USP47: variants seen among roughly 807,000 people sequenced by gnomAD.
USP47 encodes the protein ubiquitin specific peptidase 47, also known as ubiquitin carboxyl-terminal hydrolase 47.
A neutral mutation model predicts 165.1 loss-of-function variants in USP47; 35 were observed. The ratio of observed to expected loss-of-function variants is 0.21; its 90% CI spans 0.16 to 0.28. The LOEUF is 0.28. Ranked by LOEUF, USP47 falls within the 10% of genes least tolerant of loss-of-function variation. The pLI is 1.00. For synonymous variants in USP47, 531 were observed against 544.5 expected (o/e 0.98, Z 0.35); for missense variants, 1,277 against 1,607.4 (o/e 0.79, Z 3.52).
At chr11:11,936,100 T>G (rs1484966528) in intron 16 of USP47, among the ~76,000 whole-genome samples, 1 of 151,730 alleles carries the variant, frequency 6.6e-6, no homozygotes, top group Non-Finnish European at 1.5e-5. Context: ...GGAGGGATAA[T>G]GAAACATAAT....
chr11:11,938,684 G>A (rs999280131), intron 18 of USP47, among the ~76,000 whole-genome samples: 3 of 151,982 alleles, frequency 2.0e-5, no homozygotes, highest in South Asian at 2.1e-4. Context: ...CCTTTTTGGC[G>A]TAGGCAATAA....
intron 4 of USP47, 96 bp from the exon 5 acceptor site, chr11:11,897,501 A>T: frequency 2.2e-6 from 2 of 929,394 alleles, no homozygotes; most frequent in Non-Finnish European, 1.6e-6. Context: ...AGTAACTTTA[A>T]CCTCTGAATC....
At position 11,933,114 on chromosome 11, in the gene USP47, A is replaced by G. The variant is rs1398063637; in HGVS notation, c.1762A>G (p.Lys588Glu). ...ACGAGAAATTGAGCGCAATACATGC[A>G]AGGTTGAATTCCATCATTTTATTTT... Reference protein sequence around the residue: ...RQREIERNTCKIKLFCLHPTK... With the variant: ...RQREIERNTCEIKLFCLHPTK... Residue 588 changes from lysine (K) to glutamate (E), a missense_variant and splice_region_variant, in exon 15 of 28, where the codon AAG becomes GAG. By Grantham distance (56) the Lys-to-Glu change is moderately conservative. Transcript: ENST00000527733. 2.5e-6 allele frequency: 4 copies of G among 1,611,218 alleles called. No homozygotes were observed. The highest frequency in any genetic ancestry group is 2.5e-6 in the Non-Finnish European group (3 of 1,178,502).
Position 11,946,372 on chromosome 11 carries a change from G to T in USP47, c.3092-1573G>T, listed in dbSNP as rs575828903. Among the ~76,000 whole-genome samples, 2 of 152,306 alleles carry T rather than the reference G, an allele frequency of 1.3e-5. 1 individual carries two copies. The highest frequency in any genetic ancestry group is 4.8e-5 in the African/African-American group (2 of 41,564). On this transcript the variant is annotated intron_variant, in intron 20 of 27. Coordinates refer to ENST00000527733, the MANE Select transcript of USP47 (RefSeq NM_001282659.2). ...CCATATTAAACGATATCAGTAACCA[G>T]CAAACATTTTTGTCTTCCTATGACA...
At chr11:11,939,117 T>C (rs1412688664) in intron 18 of USP47, among the ~76,000 whole-genome samples, 2 of 151,878 alleles carry the variant, frequency 1.3e-5, no homozygotes, top group Non-Finnish European at 2.9e-5. Flanking sequence ...AATATAACAA[T>C]GAAAACATTC....
At chr11:11,891,859 A>G (rs1851536349) in intron 3 of USP47, 109 bp from the exon 4 acceptor site, 2 of 1,362,882 alleles carry the variant, frequency 1.5e-6, no homozygotes, top group Non-Finnish European at 2.0e-6. Flanking sequence ...GCACCTTTCC[A>G]GAGTGTTTTG....
At chr11:11,898,145 G>A (rs1258516037) in intron 5 of USP47, among the ~76,000 whole-genome samples, 3 of 94,466 alleles carry the variant, frequency 3.2e-5, no homozygotes, top group Non-Finnish European at 5.9e-5. Flanking sequence ...GCGTGTGTGT[G>A]TGTGTGTTTC....
At chr11:11,905,295 A>G (rs1026124622) in intron 7 of USP47, 104 bp from the exon 8 acceptor site, 2 of 625,906 alleles carry the variant, frequency 3.2e-6, no homozygotes, top group Non-Finnish European at 4.6e-6. Flanking sequence ...TTTAGCTGTA[A>G]ATATCAATAT....
rs756832955 is a variant in USP47 at position 11,942,948 on chromosome 11, C to T, written c.2927C>T (p.Thr976Met). 32 of 1,612,874 alleles carry T rather than the reference C, an allele frequency of 2.0e-5. No individual in the cohort carries two copies. Among genetic ancestry groups the T allele is most frequent in the Middle Eastern group, 1.6e-4 (1 of 6,078 alleles). ...CACAGTATCACAAGTAGTAGAAGAA[C>T]GAAAGCAAATGAAGGGAAAAAAGAA... Reference protein sequence around the residue: ...DSHSITSSRRTKANEGKKETW... With the variant: ...DSHSITSSRRMKANEGKKETW... The change falls in exon 20 of 28, where the codon ACG (threonine) becomes ATG (methionine). Residue 976 changes from threonine (T) to methionine (M), a missense_variant. Transcript: ENST00000527733.
intron 20 of USP47, 112 bp downstream of exon 20, chr11:11,943,224 T>C: frequency 8.0e-7 from 1 of 1,246,698 alleles, no homozygotes; most frequent in Non-Finnish European, 1.1e-6. Context: ...TTTGTAACTT[T>C]CTGGATTATA....
chr11:11,907,880 G>C (rs1852677288), intron 8 of USP47, among the ~76,000 whole-genome samples: 3 of 152,134 alleles, frequency 2.0e-5, no homozygotes, highest in Admixed American at 2.0e-4. Context: ...CAGATCACTT[G>C]AGGACAGGAG....
chr11:11,952,998 C>A, intron 25 of USP47, 127 bp downstream of exon 25: 3 of 743,396 alleles, frequency 4.0e-6, no homozygotes, highest in Non-Finnish European at 5.1e-6. Context: ...GGAAGTAGTA[C>A]CAAACACTGG....
At chr11:11,920,568 AGGTAATAACACT>A in intron 10 of USP47, 74 bp downstream of exon 10, 2 of 1,388,940 alleles carry the variant, frequency 1.4e-6, no homozygotes, top group Non-Finnish European at 1.9e-6. Flanking sequence ...GAGCTGTTTG[AGGTAATAACACT>A]GATGTCATTT....
intron 16 of USP47, among the ~76,000 whole-genome samples, chr11:11,935,423 G>A (rs1199447412): frequency 6.6e-6 from 1 of 151,646 alleles, no homozygotes. Context: ...ATATAATGGT[G>A]GACTGCAAGC....
At chr11:11,892,231 A>G in intron 4 of USP47, 125 bp downstream of exon 4, 1 of 1,007,592 alleles carries the variant, frequency 9.9e-7, no homozygotes, top group Non-Finnish European at 1.4e-6. Context: ...AGTACTAGCT[A>G]GCAGCCGCAA....
At chr11:11,907,220 G>A (rs1416303187) in intron 8 of USP47, among the ~76,000 whole-genome samples, 1 of 152,166 alleles carries the variant, frequency 6.6e-6, no homozygotes, top group Non-Finnish European at 1.5e-5. Flanking sequence ...ATTTCTAAAT[G>A]GAATTCTCCA....
chr11:11,899,729 G>A (rs547335358), intron 5 of USP47, among the ~76,000 whole-genome samples: 3 of 152,226 alleles, frequency 2.0e-5, no homozygotes, highest in East Asian at 1.9e-4. Context: ...CTAGAAATCC[G>A]TTGTGACAAT....
At chr11:11,943,199 T>A in intron 20 of USP47, 87 bp downstream of exon 20, 1 of 1,414,558 alleles carries the variant, frequency 7.1e-7, no homozygotes, top group South Asian at 1.5e-5. Flanking sequence ...TGTTAGGTAC[T>A]TAGTTCTAAG....
chr11:11,867,663 T>G (rs1849769062), intron 1 of USP47, among the ~76,000 whole-genome samples: 1 of 152,220 alleles, frequency 6.6e-6, no homozygotes. Flanking sequence ...TATTTTATTC[T>G]TAGCTGACTC....
Sources: gnomAD v4.1 joint callset for allele counts (sites outside exome capture counted in the v4.1 genomes callset) on GRCh38, gnomAD v4.1.1 for gene constraint, MANE v1.5 for transcripts, NCBI Gene and HGNC (gene_info 2026-07-23, HGNC 2026-07-21) for gene names.